Variants in ABCA5 observed in about 807,000 individuals in gnomAD.
ABCA5 encodes cholesterol transporter ABCA5.
A neutral mutation model predicts 206.0 loss-of-function variants in ABCA5; 163 were observed. The ratio of observed to expected loss-of-function variants is 0.79; its 90% confidence interval spans 0.70 to 0.90. The LOEUF (loss-of-function observed/expected upper bound fraction) is 0.90, where lower values mean the gene tolerates loss of function less well. Ranked by LOEUF, ABCA5 falls within the 40% of genes least tolerant of loss-of-function variation. ABCA5 has a pLI of 0.00. For missense variants in ABCA5, 1,859 were observed against 1,912.9 expected, an observed-to-expected ratio of 0.97 and a Z score of 0.53; for synonymous variants, 609 against 613.8, an observed-to-expected ratio of 0.99 and a Z score of 0.11.
In ABCA5 at chr17:69,286,295, T is replaced by A. The variant is rs774756729; in HGVS notation, c.2058A>T (p.Ile686=). The change falls in exon 16 of 39, where the codon ATA becomes ATT. Residue 686 remains isoleucine (I), a synonymous_variant. Coordinates refer to ENST00000392676, the MANE Select transcript of ABCA5 (RefSeq NM_172232.4). The stretch of plus-strand genomic sequence containing the variant: ...CAACACATTTCAGCATTCCTTGTGA[T>A]ATCACAGCTTTCCTATCTGCAGATA... ...ADILADRKAV[I]SQGMLKCVGS... 2.5e-5 allele frequency: 40 copies of A among 1,591,622 alleles called. No individual in the cohort carries two copies. Among genetic ancestry groups the A allele is most frequent in the Non-Finnish European group, 3.3e-5 (39 of 1,174,646 alleles).
chr17:69,271,208 GATAC>G lies in ABCA5; in HGVS notation c.2842_2845del (p.Val948ProfsTer9), dbSNP rs2075269926. On this transcript the variant is annotated frameshift_variant, in exon 21 of 39. Transcript: ENST00000392676. LOFTEE classifies it high-confidence loss of function. ...TAAAGCCGCACTATGGGGAGCCACG[GATAC>G]ATAGTCACTGTCATTAATCATCGTC... 6.2e-7 allele frequency: 1 copy of G among 1,613,386 alleles called. No individual in the cohort carries two copies. The highest frequency in any genetic ancestry group is 8.5e-7 in the Non-Finnish European group (1 of 1,179,594).
Position 69,247,660 on chromosome 17 carries a change from T to C in ABCA5, c.4822-16A>G. 6.7e-7 allele frequency: 1 copy of C among 1,481,938 alleles called. No individual in the cohort carries two copies. Among genetic ancestry groups the C allele is most frequent in the Non-Finnish European group, 9.4e-7 (1 of 1,067,820 alleles). 91.8% of individuals were successfully genotyped at this position (1,481,938 alleles called of 1,614,324 possible). ...CTACAAAAACCTAGGTGAAAAGAAA[T>C]AAATGAATACAGTATGCTGTATCTC... On this transcript the variant is annotated splice_polypyrimidine_tract_variant and intron_variant, in intron 38 of 38. Coordinates refer to ENST00000392676, the MANE Select transcript of ABCA5 (RefSeq NM_172232.4).
intron 18 of ABCA5, 59 bp downstream of exon 18, chr17:69,283,894 G>A (rs936064116): frequency 7.4e-5 from 111 of 1,508,172 alleles, no homozygotes; most frequent in Non-Finnish European, 9.6e-5. Flanking sequence ...TATAATTTTT[G>A]TCTTATTCAC....
intron 22 of ABCA5, chr17:69,268,969 T>C (rs906186659): frequency 7.2e-5 from 11 of 152,274 alleles, no homozygotes; most frequent in African/African-American, 2.2e-4. Context: ...CCCACAAATA[T>C]GTAGACTAGT....
chr17:69,260,332 TCTTAC>T lies in ABCA5; in HGVS notation c.3639+1_3639+5del. 6.3e-7 allele frequency: 1 copy of T among 1,595,144 alleles called. No individual in the cohort carries two copies. Among genetic ancestry groups the T allele is most frequent in the Non-Finnish European group, 8.6e-7 (1 of 1,167,822 alleles). On this transcript the variant is annotated splice_donor_variant and splice_donor_5th_base_variant and intron_variant, in intron 27 of 38. Coordinates refer to ENST00000392676, the MANE Select transcript of ABCA5 (RefSeq NM_172232.4). LOFTEE classifies it high-confidence loss of function. ...TGCTAATTCACAAAAACACTTTATT[TCTTAC>T]CGATATAACAGCTACTGAAAGCCTA...
Position 69,249,907 on chromosome 17 carries a change from T to G in ABCA5, c.4763A>C (p.Glu1588Ala). The G allele has an allele frequency of 6.4e-7, 1 of 1,560,120 alleles. No individual in the cohort carries two copies. Among genetic ancestry groups the G allele is most frequent in the Non-Finnish European group, 8.7e-7 (1 of 1,155,402 alleles). Residue 1588 changes from glutamate (E) to alanine (A), a missense_variant and splice_region_variant, in exon 37 of 39, where the codon GAA becomes GCA. Physicochemically the swap from Glu to Ala is moderately radical, Grantham distance 107. Transcript: ENST00000392676. ...SLSQSFFKLE[E>A]AKHAFAIEEY... The stretch of plus-strand genomic sequence containing the variant: ...CCAAAATAGAAGATACTACTTACCT[T>G]CTTCCAGCTTAAAAAAAGATTGTGA...
chr17:69,306,995 A>G, intron 5 of ABCA5, 41 bp from the exon 6 acceptor site: 1 of 1,401,596 alleles, frequency 7.1e-7, no homozygotes, highest in Non-Finnish European at 9.6e-7. Flanking sequence ...TAATTTAGTT[A>G]TGATAGCAGC....
intron 34 of ABCA5, 40 bp downstream of exon 34, chr17:69,253,533 T>G (rs2075040268): frequency 7.3e-7 from 1 of 1,362,546 alleles, no homozygotes; most frequent in Admixed American, 1.9e-5. Context: ...ACTGTTCTAT[T>G]CTAAAGTATC....
chr17:69,267,459 C>G (rs1567757078), intron 23 of ABCA5, among the ~76,000 whole-genome samples: 1 of 152,192 alleles, frequency 6.6e-6, no homozygotes, highest in African/African-American at 2.4e-5. Context: ...TTAGCAATTT[C>G]TCCAAGGCCC....
At chr17:69,263,978 G>A (rs942471933) in intron 24 of ABCA5, among the ~76,000 whole-genome samples, 1 of 152,116 alleles carries the variant, frequency 6.6e-6, no homozygotes, top group Non-Finnish European at 1.5e-5. Flanking sequence ...TTATAGGCAT[G>A]AGCCCCCGCG....
chr17:69,317,643 A>G (rs2075829728), intron 1 of ABCA5: 1 of 152,140 alleles, frequency 6.6e-6, no homozygotes, highest in African/African-American at 2.4e-5. Flanking sequence ...TTACCTTGGA[A>G]ATAAATTTTA....
chr17:69,276,706 T>C lies in ABCA5; in HGVS notation c.2594+935A>G, dbSNP rs758940532. 5.3e-5 allele frequency among the ~76,000 whole-genome samples: 8 copies of C among 152,140 alleles called. No individual in the cohort carries two copies. The East Asian group carries it at 1.3e-3, about 26-fold the overall frequency. On this transcript the variant is annotated intron_variant, in intron 19 of 38. Transcript: ENST00000392676. ...TTAGGATAAATACCTAACGTAGTGA[T>C]AGGTTGATGAGTGTAGCAAACCACC...
At chr17:69,275,770 G>T (rs968293315) in intron 19 of ABCA5, among the ~76,000 whole-genome samples, 1 of 152,116 alleles carries the variant, frequency 6.6e-6, no homozygotes, top group Non-Finnish European at 1.5e-5. Flanking sequence ...CCCATATGAT[G>T]GTATTTGGAA....
At chr17:69,309,135 T>C in intron 4 of ABCA5, 127 bp downstream of exon 4, 1 of 651,050 alleles carries the variant, frequency 1.5e-6, no homozygotes. Context: ...CTTCTCAGTT[T>C]TCCTATTGGA....
intron 28 of ABCA5, among the ~76,000 whole-genome samples, 157 bp from the exon 29 acceptor site, chr17:69,256,440 TTTTC>T (rs1446347319): frequency 3.1e-4 from 46 of 150,732 alleles, no homozygotes; most frequent in African/African-American, 9.0e-4. Context: ...ATTTCTTTTT[TTTTC>T]TTTCTTTCTT....
At chr17:69,262,714 A>G (rs994671155) in intron 24 of ABCA5, among the ~76,000 whole-genome samples, 3 of 152,226 alleles carry the variant, frequency 2.0e-5, no homozygotes, top group Non-Finnish European at 4.4e-5. Context: ...TCTTTTTGGT[A>G]GAATGATTTA....
intron 9 of ABCA5, among the ~76,000 whole-genome samples, chr17:69,300,572 T>C (rs72857818): frequency 0.015 from 2,300 of 152,326 alleles, 22 homozygotes; most frequent in Non-Finnish European, 0.023. Context: ...GAATGTGGCC[T>C]GTGCTACTGA....
chr17:69,300,322 T>G (rs1291665945), intron 9 of ABCA5, among the ~76,000 whole-genome samples: 2 of 152,164 alleles, frequency 1.3e-5, no homozygotes, highest in Admixed American at 6.5e-5. Context: ...GCTCAGGTGG[T>G]AATGCAAGCA....
chr17:69,259,789 C>A lies in ABCA5; in HGVS notation c.3648G>T (p.Leu1216=). 1 of 1,591,566 alleles carries A rather than the reference C, an allele frequency of 6.3e-7. No individual in the cohort carries two copies. The highest frequency in any genetic ancestry group is 8.6e-7 in the Non-Finnish European group (1 of 1,165,518). The stretch of plus-strand genomic sequence containing the variant: ...AGAGGAAAATCCACAGTACACACTG[C>A]AGGTAAGGCTAAAAGAAGAACATGT... ...RLSVAVISPY[L]QCVLWIFLLQ... is the part of the protein sequence containing the mutation. Residue 1216 remains leucine, a synonymous_variant, in exon 28 of 39, where the codon CTG becomes CTT. Transcript: ENST00000392676.
Sources: allele counts gnomAD v4.1 joint callset (sites outside exome capture counted in the v4.1 genomes callset), GRCh38; gene constraint gnomAD v4.1.1; transcripts MANE v1.5; gene names NCBI Gene and HGNC (gene_info 2026-07-23, HGNC 2026-07-21).